Variants in NEGR1 observed in about 807,000 individuals in gnomAD.
NEGR1 encodes neuronal growth regulator 1, also known as IgLON family member 4.
NEGR1 carries 10 observed loss-of-function variants against 40.9 expected under a neutral mutation model. The ratio of observed to expected loss-of-function variants is 0.24; its 90% CI spans 0.15 to 0.42. The LOEUF (loss-of-function observed/expected upper bound fraction) is 0.42. Among genes scored for constraint, NEGR1 ranks in the 10% least tolerant of loss-of-function variants. The pLI, the probability that NEGR1 is intolerant of heterozygous loss-of-function variation, is 1.00. For synonymous variants in NEGR1, 185 were observed against 166.8 expected, an observed-to-expected ratio of 1.11 and a Z score of -0.84; for missense variants, 352 against 438.9, an observed-to-expected ratio of 0.80 and a Z score of 1.77.
At chr1:71,807,284 CT>C (rs1657812685) in intron 2 of NEGR1, among the ~76,000 whole-genome samples, 2 of 152,036 alleles carry the variant, frequency 1.3e-5, no homozygotes, top group African/African-American at 4.8e-5. Flanking sequence ...CAATAAAGCA[CT>C]GAAATATGGC....
intron 1 of NEGR1, among the ~76,000 whole-genome samples, chr1:72,161,676 CTTTTTTT>C (rs779074685): frequency 1.1e-4 from 9 of 84,568 alleles, no homozygotes; most frequent in East Asian, 3.7e-4. Context: ...TTCTTTCTTT[CTTTTTTT>C]TTTTTTTTTT....
chr1:71,445,132 A>T (rs1156427470), intron 6 of NEGR1, among the ~76,000 whole-genome samples: 1 of 152,170 alleles, frequency 6.6e-6, no homozygotes, highest in African/African-American at 2.4e-5. Flanking sequence ...AAGCAGTAAC[A>T]CTAATACACT....
intron 1 of NEGR1, among the ~76,000 whole-genome samples, chr1:72,114,909 T>A (rs1649523911): frequency 6.6e-6 from 1 of 151,922 alleles, no homozygotes; most frequent in East Asian, 1.9e-4. Context: ...AGTGTACTCA[T>A]AAAAAGTTTG....
At chr1:71,713,090 G>C (rs993976589) in intron 3 of NEGR1, among the ~76,000 whole-genome samples, 12 of 152,140 alleles carry the variant, frequency 7.9e-5, no homozygotes, top group African/African-American at 2.9e-4. Flanking sequence ...GATTCCTTTT[G>C]ACTGCCTTAT....
chr1:72,110,225 A>AAAAAT (rs1319575492), intron 1 of NEGR1, among the ~76,000 whole-genome samples: 14 of 146,796 alleles, frequency 9.5e-5, no homozygotes, highest in African/African-American at 3.4e-4. Context: ...GTATAATAAA[A>AAAAAT]AAAAAAAAAA....
At chr1:71,599,905 T>C (rs972741782) in intron 5 of NEGR1, among the ~76,000 whole-genome samples, 43 of 152,198 alleles carry the variant, frequency 2.8e-4, no homozygotes, top group African/African-American at 9.9e-4. Flanking sequence ...TGTGAGTTCC[T>C]GTATCCCTGG....
chr1:71,729,241 G>C (rs1654774586), intron 3 of NEGR1, among the ~76,000 whole-genome samples: 1 of 151,926 alleles, frequency 6.6e-6, no homozygotes, highest in African/African-American at 2.4e-5. Context: ...TTACAGCTTT[G>C]TTCCAATAAC....
chr1:71,618,842 C>A (rs964354428), intron 4 of NEGR1, among the ~76,000 whole-genome samples: 1 of 152,010 alleles, frequency 6.6e-6, no homozygotes, highest in African/African-American at 2.4e-5. Flanking sequence ...GTGGTCACAG[C>A]GTTCTATAAG....
rs182173438 is a variant in NEGR1, at chr1:71,436,928, G to T, written c.941-29358C>A. ...TCAGTAAGGCTTCTAGCCAATAGTA[G>T]GCTATTAGTAGTTAAGTTTTTTGGG... On this transcript the variant is annotated intron_variant, in intron 6 of 6. Coordinates refer to ENST00000357731, the MANE Select transcript of NEGR1 (RefSeq NM_173808.3). Among the ~76,000 whole-genome samples the T allele has an allele frequency of 5.2e-3, 787 of 152,206 alleles. 4 individuals are homozygous for T. Among genetic ancestry groups the T allele is most frequent in the Non-Finnish European group, 9.0e-3 (613 of 68,016 alleles).
chr1:71,951,295 A>T (rs1392781830), intron 1 of NEGR1, among the ~76,000 whole-genome samples: 2 of 151,952 alleles, frequency 1.3e-5, no homozygotes, highest in Non-Finnish European at 2.9e-5. Flanking sequence ...ATTATCTAAC[A>T]GATGCTCGGT....
intron 1 of NEGR1, among the ~76,000 whole-genome samples, chr1:72,222,507 G>A (rs1260043374): frequency 6.6e-6 from 1 of 152,098 alleles, no homozygotes; most frequent in Non-Finnish European, 1.5e-5. Flanking sequence ...TAAAACATCA[G>A]TAACCAGTAA....
chr1:71,561,213 C>T (rs1201435600), intron 6 of NEGR1, among the ~76,000 whole-genome samples: 1 of 151,686 alleles, frequency 6.6e-6, no homozygotes, highest in African/African-American at 2.4e-5. Context: ...TTATCATAAA[C>T]ATGATTAAAG....
At chr1:71,630,564 G>A (rs879773020) in intron 4 of NEGR1, among the ~76,000 whole-genome samples, 2 of 151,770 alleles carry the variant, frequency 1.3e-5, no homozygotes, top group Non-Finnish European at 2.9e-5. Flanking sequence ...GGTCCATTAT[G>A]GTTTTATGTT....
At chr1:72,026,463 T>G (rs1646810945) in intron 1 of NEGR1, among the ~76,000 whole-genome samples, 1 of 152,004 alleles carries the variant, frequency 6.6e-6, no homozygotes, top group Non-Finnish European at 1.5e-5. Context: ...ATATTGAAAT[T>G]AAAATATAAT....
At position 71,734,802 on chromosome 1, in the gene NEGR1, C is replaced by T. The variant is rs527974700; in HGVS notation, c.536-36663G>A. On this transcript the variant is annotated intron_variant, in intron 3 of 6. Coordinates refer to ENST00000357731, the MANE Select transcript of NEGR1 (RefSeq NM_173808.3). ...CCTAATAATTTTAAATGCAGTGGGC[C>T]GAGTCATTGTCTTGCCATTGCAGTC... 7.2e-5 allele frequency among the ~76,000 whole-genome samples: 11 copies of T among 152,172 alleles called. No homozygotes were observed. The South Asian group carries it at 1.2e-3, about 17-fold the overall frequency.
intron 2 of NEGR1, among the ~76,000 whole-genome samples, chr1:71,841,348 A>G (rs1659231332): frequency 6.6e-6 from 1 of 152,168 alleles, no homozygotes; most frequent in Non-Finnish European, 1.5e-5. Flanking sequence ...TAATTCCAGT[A>G]TTCAATAAAC....
At chr1:72,275,486 A>C (rs955253866) in intron 1 of NEGR1, among the ~76,000 whole-genome samples, 6 of 152,090 alleles carry the variant, frequency 3.9e-5, no homozygotes, top group African/African-American at 1.2e-4. Context: ...GGGAAAAAAA[A>C]CAATAAATTT....
In NEGR1 at chr1:72,274,836, C is replaced by T. The variant is rs1655982873; in HGVS notation, c.176+7483G>A. 4.5e-6 allele frequency: 7 copies of T among 1,547,636 alleles called. No homozygotes were observed. In the East Asian group the frequency reaches 1.1e-4, roughly 25 times the overall value. On this transcript the variant is annotated intron_variant, in intron 1 of 6. Coordinates refer to ENST00000357731, the MANE Select transcript of NEGR1 (RefSeq NM_173808.3). ...GCCAGGTGATCAGAGTTATTTGCAT[C>T]CTCAGCCACCCCATCAAGAACACCA...
At chr1:71,941,465 T>C (rs1034947733) in intron 1 of NEGR1, among the ~76,000 whole-genome samples, 1 of 152,272 alleles carries the variant, frequency 6.6e-6, no homozygotes, top group Middle Eastern at 3.4e-3. Flanking sequence ...CTTTATATAA[T>C]CTTATGATTG....
Sources: allele counts gnomAD v4.1 joint callset (sites outside exome capture counted in the v4.1 genomes callset), GRCh38; gene constraint gnomAD v4.1.1; transcripts MANE v1.5; gene names NCBI Gene and HGNC (gene_info 2026-07-23, HGNC 2026-07-21).